The following DLG2 variants were observed in gnomAD, a reference collection of about 807,000 sequenced individuals.
The protein encoded by DLG2 is disks large homolog 2.
A neutral mutation model predicts 132.5 loss-of-function variants in DLG2; 45 were observed. That is an observed-to-expected ratio of 0.34 (90% CI 0.27 to 0.44). The LOEUF (loss-of-function observed/expected upper bound fraction) is 0.44, where lower values mean the gene tolerates loss of function less well. DLG2 is among the 20% of genes least tolerant of loss of function. The pLI, the probability that DLG2 is intolerant of heterozygous loss-of-function variation, is 1.00. For missense variants in DLG2, 1,045 were observed against 1,196.9 expected (o/e 0.87, Z 1.87); for synonymous variants, 424 against 419.6 (o/e 1.01, Z -0.13).
At chr11:85,468,166 T>A (rs1365593772) in intron 3 of DLG2, among the ~76,000 whole-genome samples, 7 of 151,994 alleles carry the variant, frequency 4.6e-5, no homozygotes, top group African/African-American at 1.7e-4. Context: ...ATCCCCTTTA[T>A]CATTTTTTTT....
chr11:85,262,132 G>A (rs139255702), intron 4 of DLG2, among the ~76,000 whole-genome samples: 28 of 152,276 alleles, frequency 1.8e-4, no homozygotes, highest in African/African-American at 6.7e-4. Context: ...AGCTGCAACA[G>A]AAGAGGTCAA....
At chr11:84,251,193 T>A in intron 8 of DLG2, 45 bp downstream of exon 8, 1 of 1,257,666 alleles carries the variant, frequency 8.0e-7, no homozygotes. Flanking sequence ...CCAATTAAGT[T>A]CTACCACAGT....
At chr11:84,183,882 A>G (rs533235964) in intron 8 of DLG2, among the ~76,000 whole-genome samples, 22 of 152,084 alleles carry the variant, frequency 1.4e-4, no homozygotes, top group African/African-American at 4.8e-4. Context: ...AGCTTCATCC[A>G]TGTCCCTACA....
At chr11:83,808,239 G>C (rs1228494928) in intron 17 of DLG2, among the ~76,000 whole-genome samples, 1 of 152,056 alleles carries the variant, frequency 6.6e-6, no homozygotes, top group African/African-American at 2.4e-5. Flanking sequence ...TGCCACTTTG[G>C]GTATTAGAGA....
At chr11:84,761,266 C>T (rs2067592906) in intron 6 of DLG2, among the ~76,000 whole-genome samples, 1 of 152,180 alleles carries the variant, frequency 6.6e-6, no homozygotes, top group Non-Finnish European at 1.5e-5. Context: ...AATGGTTACT[C>T]CAGACTATTG....
intron 4 of DLG2, among the ~76,000 whole-genome samples, chr11:85,242,312 T>G (rs2075924112): frequency 6.6e-6 from 1 of 151,970 alleles, no homozygotes; most frequent in African/African-American, 2.4e-5. Context: ...CTTTGGAACT[T>G]TTTATAAACG....
intron 4 of DLG2, among the ~76,000 whole-genome samples, chr11:85,282,657 T>C (rs1433460510): frequency 5.3e-5 from 8 of 151,984 alleles, no homozygotes; most frequent in Non-Finnish European, 2.9e-5. Context: ...AGAACAACTG[T>C]ATTTAGAATA....
chr11:84,553,587 T>C (rs894766351), intron 6 of DLG2, among the ~76,000 whole-genome samples: 4 of 152,130 alleles, frequency 2.6e-5, no homozygotes, highest in Admixed American at 6.5e-5. Flanking sequence ...CGGAAAGGTA[T>C]GAATCCAAGA....
intron 5 of DLG2, among the ~76,000 whole-genome samples, chr11:85,116,380 A>G (rs780390823): frequency 6.8e-4 from 103 of 152,034 alleles, no homozygotes; most frequent in Non-Finnish European, 1.2e-3. Flanking sequence ...CATCAATTTC[A>G]TATATTTCTA....
At chr11:84,093,033 CAAAA>C (rs562763060) in intron 10 of DLG2, among the ~76,000 whole-genome samples, 19 of 87,570 alleles carry the variant, frequency 2.2e-4, no homozygotes, top group Non-Finnish European at 3.2e-4. Flanking sequence ...GAGTCTCCGT[CAAAA>C]AAAAAAAAAA....
chr11:83,722,582 G>T (rs1202837136), intron 18 of DLG2, among the ~76,000 whole-genome samples: 1 of 152,142 alleles, frequency 6.6e-6, no homozygotes, highest in East Asian at 1.9e-4. Flanking sequence ...ACTCCAGGCT[G>T]GTTTTTAAAC....
intron 4 of DLG2, among the ~76,000 whole-genome samples, chr11:85,156,001 C>T (rs547735982): frequency 6.6e-6 from 1 of 152,224 alleles, no homozygotes; most frequent in East Asian, 1.9e-4. Flanking sequence ...ACCTAGCAGT[C>T]GGCCTCAGTT....
chr11:85,323,165 T>C (rs1259452802), intron 3 of DLG2, among the ~76,000 whole-genome samples: 1 of 152,230 alleles, frequency 6.6e-6, no homozygotes, highest in East Asian at 1.9e-4. Flanking sequence ...TCTCTCTCTC[T>C]TGCCTGTAGG....
intron 15 of DLG2, among the ~76,000 whole-genome samples, chr11:83,891,601 A>G (rs377330293): frequency 2.9e-4 from 44 of 152,296 alleles, no homozygotes; most frequent in African/African-American, 1.0e-3. Flanking sequence ...AGCAGTTCTG[A>G]AGAAGACTGG....
intron 3 of DLG2, among the ~76,000 whole-genome samples, chr11:85,494,144 A>G (rs2153110955): frequency 6.6e-6 from 1 of 152,312 alleles, no homozygotes; most frequent in South Asian, 2.1e-4. Flanking sequence ...CAAAGATTAC[A>G]TCTTTAATAC....
chr11:84,504,937 A>G (rs1312182003), intron 7 of DLG2, among the ~76,000 whole-genome samples: 1 of 152,118 alleles, frequency 6.6e-6, no homozygotes, highest in Admixed American at 6.5e-5. Context: ...ATATAACACA[A>G]ATATTTGCTC....
chr11:85,039,860 T>A (rs1283625011), intron 6 of DLG2, among the ~76,000 whole-genome samples: 3 of 151,888 alleles, frequency 2.0e-5, no homozygotes, highest in Non-Finnish European at 4.4e-5. Flanking sequence ...CTCTTTAAAT[T>A]TTGGTTGAAT....
intron 6 of DLG2, among the ~76,000 whole-genome samples, chr11:85,028,907 C>T (rs1049726114): frequency 5.3e-5 from 8 of 152,126 alleles, no homozygotes; most frequent in African/African-American, 1.9e-4. Context: ...AGCGCGCAGC[C>T]CCAGCTGTGC....
chr11:85,399,066 A>G (rs1236643349), intron 3 of DLG2, among the ~76,000 whole-genome samples: 1 of 152,178 alleles, frequency 6.6e-6, no homozygotes, highest in Admixed American at 6.6e-5. Flanking sequence ...TAAGCTGATA[A>G]GCAACTTCAG....
Sources: allele counts gnomAD v4.1 joint callset (sites outside exome capture counted in the v4.1 genomes callset), GRCh38; gene constraint gnomAD v4.1.1; transcripts MANE v1.5; gene names NCBI Gene and HGNC (gene_info 2026-07-23, HGNC 2026-07-21).